Variants in PIK3R2 observed in about 807,000 individuals in gnomAD.
PIK3R2 encodes the protein phosphoinositide-3-kinase regulatory subunit 2.
In PIK3R2, 40 loss-of-function variants were observed where a neutral mutation model predicts 78.5. That is an observed-to-expected ratio of 0.51 (90% CI 0.40 to 0.66). The LOEUF is 0.66. PIK3R2 is among the 30% of genes least tolerant of loss of function. The probability of loss-of-function intolerance (pLI) is 0.00; values close to 1 mark genes in which losing one functional copy is unlikely to be tolerated. For synonymous variants in PIK3R2, 473 were observed against 457.7 expected (o/e 1.03, Z -0.43); for missense variants, 880 against 1,026.6 (o/e 0.86, Z 1.95).
rs1390342589 is a variant in PIK3R2 at position 18,156,282 on chromosome 19, G to A, written c.322+81G>A. The A allele has an allele frequency of 1.8e-6, 2 of 1,094,082 alleles. No individual in the cohort carries two copies. The highest frequency in any genetic ancestry group is 1.3e-6 in the Non-Finnish European group (1 of 798,158). 67.8% of individuals were successfully genotyped at this position (1,094,082 alleles called of 1,614,324 possible). A position where few individuals can be genotyped will look rare whatever the true frequency, so the allele number is the denominator to read the frequency against. The stretch of plus-strand genomic sequence containing the variant: ...TCCTCTTCTGTCCAGTGAGGCAATG[G>A]GATCTCCAAGGAAGGAGGAAAAAGG... On this transcript the variant is annotated intron_variant, in intron 2 of 15. Coordinates refer to ENST00000222254, the MANE Select transcript of PIK3R2 (RefSeq NM_005027.4). The surrounding 1 kb of genome is among the most constrained non-coding windows in gnomAD (Gnocchi z 4.2).
chr19:18,164,643 T>TTG (rs1299360839), intron 11 of PIK3R2, among the ~76,000 whole-genome samples: 24 of 150,144 alleles, frequency 1.6e-4, no homozygotes, highest in Middle Eastern at 3.4e-3. Flanking sequence ...TTGTTTTGTT[T>TTG]TTTTTTTTTT....
rs762486585 is a variant in PIK3R2, at chr19:18,162,477, G to A, written c.1080G>A (p.Lys360=). ...TCCTAGTCCGAGATGCTTCTAGCAAGATCCAGGGCGAGTACACGCTGACCC... is the reference window on the plus strand; with the variant it reads ...TCCTAGTCCGAGATGCTTCTAGCAAAATCCAGGGCGAGTACACGCTGACCC... ...GTFLVRDASS[K]IQGEYTLTLR... Residue 360 remains lysine, a synonymous_variant, in exon 9 of 16, where the codon AAG becomes AAA. Coordinates refer to ENST00000222254, the MANE Select transcript of PIK3R2 (RefSeq NM_005027.4). 7 of 1,613,292 alleles carry A rather than the reference G, an allele frequency of 4.3e-6. No homozygotes were observed. The African/African-American group carries it at 5.3e-5, about 12-fold the overall frequency.
Position 18,168,627 on chromosome 19 carries a change from G to C in PIK3R2, c.1808+81G>C. ...GGGGTGGGTTTCGAAGAATGAGTAGGAGTTCACCAGGGAGGAAAAGTTGTC... is the reference window on the plus strand; with the variant it reads ...GGGGTGGGTTTCGAAGAATGAGTAGCAGTTCACCAGGGAGGAAAAGTTGTC... On this transcript the variant is annotated intron_variant, in intron 14 of 15. Coordinates refer to ENST00000222254, the MANE Select transcript of PIK3R2 (RefSeq NM_005027.4). The surrounding 1 kb of genome is among the most constrained non-coding windows in gnomAD (Gnocchi z 4.1). 9.8e-7 allele frequency: 1 copy of C among 1,023,320 alleles called. No individual in the cohort carries two copies. The highest frequency in any genetic ancestry group is 1.3e-5 in the South Asian group (1 of 78,100). The allele number at this position is 1,023,320 out of a possible 1,614,324, so 63.4% of individuals were successfully genotyped here. A position where few individuals can be genotyped will look rare whatever the true frequency, so the allele number is the denominator to read the frequency against.
At chr19:18,164,144 A>G (rs1490581778) in intron 11 of PIK3R2, among the ~76,000 whole-genome samples, 4 of 152,144 alleles carry the variant, frequency 2.6e-5, no homozygotes, top group Non-Finnish European at 5.9e-5. Flanking sequence ...AATAATAATT[A>G]AAATAAAAAA....
chr19:18,162,342 G>A, intron 8 of PIK3R2, 32 bp downstream of exon 8: 3 of 1,589,552 alleles, frequency 1.9e-6, no homozygotes, highest in Non-Finnish European at 2.6e-6. Context: ...AGGGACCAAG[G>A]AGGTGTCACA....
At position 18,156,329 on chromosome 19, in the gene PIK3R2, G is replaced by A; in HGVS notation, c.322+128G>A. ...AAGGACATTTGGTCATTTGACAAGT[G>A]TCTTCAGTGCTAGGCTCAGCAGTGG... On this transcript the variant is annotated intron_variant, in intron 2 of 15. Transcript: ENST00000222254. This position sits in a 1 kb window ranked among gnomAD's most constrained non-coding sequence, Gnocchi z 4.2. 2.8e-6 allele frequency: 2 copies of A among 726,956 alleles called. No individual in the cohort carries two copies. The highest frequency in any genetic ancestry group is 4.2e-6 in the Non-Finnish European group (2 of 480,246). The allele number at this position is 726,956 out of a possible 1,614,324, so 45.0% of individuals were successfully genotyped here.
chr19:18,157,557 C>CG (rs1400909113), intron 2 of PIK3R2, among the ~76,000 whole-genome samples: 3 of 152,186 alleles, frequency 2.0e-5, no homozygotes, highest in Non-Finnish European at 4.4e-5. Flanking sequence ...TGTGCACCCA[C>CG]GGGGGAGGTT....
chr19:18,161,520 C>A lies in PIK3R2; in HGVS notation c.815+25C>A, dbSNP rs1412727503. On this transcript the variant is annotated intron_variant, in intron 6 of 15. Coordinates refer to ENST00000222254, the MANE Select transcript of PIK3R2 (RefSeq NM_005027.4). The surrounding 1 kb of genome is among the most constrained non-coding windows in gnomAD (Gnocchi z 5.3). ...GGTGAGGGGCGGGGCGGAGCCGGAGCGAGCAGGGGTGGAGTTTGGGGTGGG... is the reference window on the plus strand; with the variant it reads ...GGTGAGGGGCGGGGCGGAGCCGGAGAGAGCAGGGGTGGAGTTTGGGGTGGG... 1.3e-5 allele frequency: 6 copies of A among 474,170 alleles called. No individual in the cohort carries two copies. The highest frequency in any genetic ancestry group is 5.8e-5 in the Admixed American group (1 of 17,326). 29.4% of individuals were successfully genotyped at this position (474,170 alleles called of 1,614,324 possible).
At position 18,167,265 on chromosome 19, in the gene PIK3R2, G is replaced by A. The variant is rs1454595615; in HGVS notation, c.1695G>A (p.Pro565=). The change falls in exon 13 of 16, where the codon CCG becomes CCA. Residue 565 remains proline (P), a synonymous_variant. Coordinates refer to ENST00000222254, the MANE Select transcript of PIK3R2 (RefSeq NM_005027.4). The surrounding 1 kb of genome is among the most constrained non-coding windows in gnomAD (Gnocchi z 4.5). ...ACAAGCGCATGAACAGCCTCAAGCC[G>A]GACCTCATGCAGCTGCGCAAGATCC... ...EIDKRMNSLK[P]DLMQLRKIRD... 3.7e-6 allele frequency: 6 copies of A among 1,608,598 alleles called. No homozygotes were observed. Among genetic ancestry groups the A allele is most frequent in the Non-Finnish European group, 5.1e-6 (6 of 1,177,664 alleles).
rs1459505858 is a variant in PIK3R2, at chr19:18,168,989, G to A, written c.1979+93G>A. 3.2e-6 allele frequency: 5 copies of A among 1,556,532 alleles called. No individual in the cohort carries two copies. The East Asian group carries it at 1.1e-4, about 36-fold the overall frequency. On this transcript the variant is annotated intron_variant, in intron 15 of 15. Coordinates refer to ENST00000222254, the MANE Select transcript of PIK3R2 (RefSeq NM_005027.4). This position sits in a 1 kb window ranked among gnomAD's most constrained non-coding sequence, Gnocchi z 4.1. ...GCCAGGCCTTGGGAAGGAGTCCCTG[G>A]TGGGGTCATCCGGGACAGGGGAGCA...
At chr19:18,169,050 C>T (rs2147960304) in intron 15 of PIK3R2, 37 bp from the exon 16 acceptor site, 1 of 1,589,030 alleles carries the variant, frequency 6.3e-7, no homozygotes, top group Non-Finnish European at 8.6e-7. Context: ...GGCGGGGAGG[C>T]CAGCCTTCCG....
rs1163723265 is a variant in PIK3R2, at chr19:18,156,889, T to A, written c.322+688T>A. Reference sequence around the variant, plus strand: ...AGCCCACTCAGTGACTGCTGTTTGATGGGCAGGGAGTGTGGGCTCTGGCCG... The same window carrying A: ...AGCCCACTCAGTGACTGCTGTTTGAAGGGCAGGGAGTGTGGGCTCTGGCCG... On this transcript the variant is annotated intron_variant, in intron 2 of 15. Transcript: ENST00000222254. The surrounding 1 kb of genome is among the most constrained non-coding windows in gnomAD (Gnocchi z 4.2). 1.3e-5 allele frequency among the ~76,000 whole-genome samples: 2 copies of A among 152,056 alleles called. No homozygotes were observed. Among genetic ancestry groups the A allele is most frequent in the Non-Finnish European group, 2.9e-5 (2 of 67,992 alleles).
intron 3 of PIK3R2, 161 bp downstream of exon 3, chr19:18,160,724 A>AGGGAAGAT (rs1302101674): frequency 2.3e-6 from 2 of 859,518 alleles, no homozygotes; most frequent in African/African-American, 3.3e-5. Flanking sequence ...GTGACTCCTA[A>AGGGAAGAT]GGGAAGATGG....
Position 18,156,081 on chromosome 19 carries a change from G to C in PIK3R2, c.202G>C (p.Gly68Arg). 6.4e-7 allele frequency: 1 copy of C among 1,561,480 alleles called. No individual in the cohort carries two copies. Among genetic ancestry groups the C allele is most frequent in the Non-Finnish European group, 8.7e-7 (1 of 1,153,934 alleles). The change falls in exon 2 of 16, where the codon GGT becomes CGT. Residue 68 changes from glycine to arginine, a missense_variant. Gly to Arg is a moderately radical substitution (Grantham distance 125). This residue lies in a region of PIK3R2 where 456 missense variants were observed against 486.6 expected (regional missense o/e 0.94). Transcript: ENST00000222254. This position sits in a 1 kb window ranked among gnomAD's most constrained non-coding sequence, Gnocchi z 4.2. The stretch of plus-strand genomic sequence containing the variant: ...CCTCAACGAGCGCACACGGCAGCGA[G>C]GTGACTTCCCTGGCACCTATGTGGA... The part of the protein sequence containing the change: ...PGLNERTRQR[G>R]DFPGTYVEFL...
In PIK3R2 at chr19:18,167,735, G is replaced by A. The variant is rs941269206; in HGVS notation, c.1736+429G>A. ...CAAAACCCGGCCAGGCATGGTGGTG[G>A]GCGCCTGTAATCCCAGTTACTCAAG... On this transcript the variant is annotated intron_variant, in intron 13 of 15. Coordinates refer to ENST00000222254, the MANE Select transcript of PIK3R2 (RefSeq NM_005027.4). The surrounding 1 kb of genome is among the most constrained non-coding windows in gnomAD (Gnocchi z 4.5). Among the ~76,000 whole-genome samples the A allele has an allele frequency of 6.6e-6, 1 of 152,062 alleles. No individual in the cohort carries two copies. Among genetic ancestry groups the A allele is most frequent in the Non-Finnish European group, 1.5e-5 (1 of 68,006 alleles).
chr19:18,167,326 T>A lies in PIK3R2; in HGVS notation c.1736+20T>A, dbSNP rs1317658605. The A allele has an allele frequency of 6.5e-7, 1 of 1,539,212 alleles. No individual in the cohort carries two copies. The highest frequency in any genetic ancestry group is 8.8e-7 in the Non-Finnish European group (1 of 1,139,506). ...CCTCGTGTAAGTGGCGGCTCCATAC[T>A]TCCCTGCGGCTCCCTGGCGACTGCT... On this transcript the variant is annotated intron_variant, in intron 13 of 15. Transcript: ENST00000222254. This position sits in a 1 kb window ranked among gnomAD's most constrained non-coding sequence, Gnocchi z 4.5.
At chr19:18,163,463 C>T in intron 11 of PIK3R2, 75 bp downstream of exon 11, 7 of 1,512,260 alleles carry the variant, frequency 4.6e-6, no homozygotes, top group Non-Finnish European at 6.4e-6. Context: ...GGATGACCAA[C>T]CCCAGAGGAC....
rs545931627 is a variant in PIK3R2 at position 18,168,396 on chromosome 19, C to T, written c.1737-79C>T. The T allele has an allele frequency of 1.4e-6, 1 of 735,166 alleles. No homozygotes were observed. The highest frequency in any genetic ancestry group is 2.5e-6 in the Non-Finnish European group (1 of 394,914). The allele number at this position is 735,166 out of a possible 1,614,324, so 45.5% of individuals were successfully genotyped here. On this transcript the variant is annotated intron_variant, in intron 13 of 15. Coordinates refer to ENST00000222254, the MANE Select transcript of PIK3R2 (RefSeq NM_005027.4). This position sits in a 1 kb window ranked among gnomAD's most constrained non-coding sequence, Gnocchi z 4.1. Reference sequence around the variant, plus strand: ...AGAACCCTCTCTCCTCAGCCAGACCCTGCCTCCCACCGGACAGGCCCACTG... The same window carrying T: ...AGAACCCTCTCTCCTCAGCCAGACCTTGCCTCCCACCGGACAGGCCCACTG...
intron 2 of PIK3R2, among the ~76,000 whole-genome samples, chr19:18,158,212 G>T (rs531241768): frequency 6.6e-6 from 1 of 152,124 alleles, no homozygotes; most frequent in Non-Finnish European, 1.5e-5. Context: ...AAGCGGGCCG[G>T]GCACAGTGGT....
Sources: allele counts gnomAD v4.1 joint callset (sites outside exome capture counted in the v4.1 genomes callset), GRCh38; gene constraint gnomAD v4.1.1; regional missense constraint gnomAD v4.1.1; non-coding constraint Gnocchi (gnomAD v3.1); transcripts MANE v1.5; gene names NCBI Gene and HGNC (gene_info 2026-07-23, HGNC 2026-07-21).